PRDM16: variants seen among roughly 807,000 people sequenced by gnomAD.
PRDM16 encodes the protein PR/SET domain 16.
A neutral mutation model predicts 110.6 loss-of-function variants in PRDM16; 23 were observed. That is an observed-to-expected ratio of 0.21 (90% CI 0.15 to 0.29). The LOEUF is 0.29. Among genes scored for constraint, PRDM16 ranks in the 10% least tolerant of loss-of-function variants. The probability of loss-of-function intolerance (pLI) is 1.00; values close to 1 mark genes in which losing one functional copy is unlikely to be tolerated. For missense variants in PRDM16, 1,615 were observed against 1,794.3 expected, an observed-to-expected ratio of 0.90 and a Z score of 1.81; for synonymous variants, 799 against 781.8, an observed-to-expected ratio of 1.02 and a Z score of -0.37.
At chr1:3,141,573 G>A (rs976473014) in intron 1 of PRDM16, among the ~76,000 whole-genome samples, 1 of 152,234 alleles carries the variant, frequency 6.6e-6, no homozygotes, top group Non-Finnish European at 1.5e-5. Context: ...GCCTCTGCCC[G>A]GACCCTTCTG....
At chr1:3,112,995 G>A (rs1246389256) in intron 1 of PRDM16, among the ~76,000 whole-genome samples, 1 of 152,268 alleles carries the variant, frequency 6.6e-6, no homozygotes, top group Non-Finnish European at 1.5e-5. Flanking sequence ...CCTGTGCCAT[G>A]CAAGTCTTCC....
At chr1:3,200,897 C>T (rs956431873) in intron 2 of PRDM16, among the ~76,000 whole-genome samples, 5 of 150,456 alleles carry the variant, frequency 3.3e-5, no homozygotes, top group African/African-American at 7.4e-5. Flanking sequence ...GGACAAGAGC[C>T]GAACCGGGGG....
rs544191588 is a variant in PRDM16 at position 3,199,770 on chromosome 1, G to A, written c.387+13296G>A. On this transcript the variant is annotated intron_variant, in intron 2 of 16. Coordinates refer to ENST00000270722, the MANE Select transcript of PRDM16 (RefSeq NM_022114.4). Reference sequence around the variant, plus strand: ...AGCCCCAAGGGGCCCTCCGGGACAGGACGCCACTCTGCTGGCCCTTGATGC... The same window carrying A: ...AGCCCCAAGGGGCCCTCCGGGACAGAACGCCACTCTGCTGGCCCTTGATGC... Among the ~76,000 whole-genome samples the A allele has an allele frequency of 4.6e-5, 7 of 152,306 alleles. No individual in the cohort carries two copies. In the East Asian group the frequency reaches 1.4e-3, roughly 30 times the overall value.
At chr1:3,214,593 A>G (rs1222158940) in intron 2 of PRDM16, among the ~76,000 whole-genome samples, 1 of 152,228 alleles carries the variant, frequency 6.6e-6, no homozygotes, top group African/African-American at 2.4e-5. Context: ...ACTACTTGGG[A>G]GGCTGAGGCA....
At chr1:3,419,305 A>T (rs1280246745) in intron 12 of PRDM16, among the ~76,000 whole-genome samples, 2 of 152,242 alleles carry the variant, frequency 1.3e-5, no homozygotes, top group Non-Finnish European at 2.9e-5. Flanking sequence ...GTCTGCTTCC[A>T]GGATCCCCCC....
At position 3,178,391 on chromosome 1, in the gene PRDM16, C is replaced by T. The variant is rs541797554; in HGVS notation, c.38-7734C>T. Among the ~76,000 whole-genome samples the T allele has an allele frequency of 5.3e-5, 8 of 152,294 alleles. No individual in the cohort carries two copies. The East Asian group carries it at 5.8e-4, about 11-fold the overall frequency. Reference sequence around the variant, plus strand: ...CTCCGCACAGCCCCAAACCCAGAACCGAGCTCTGCGGAGAGGTGGTTCTTT... The same window carrying T: ...CTCCGCACAGCCCCAAACCCAGAACTGAGCTCTGCGGAGAGGTGGTTCTTT... On this transcript the variant is annotated intron_variant, in intron 1 of 16. Transcript: ENST00000270722.
chr1:3,102,908 CA>C (rs1642565363), intron 1 of PRDM16, among the ~76,000 whole-genome samples: 1 of 152,224 alleles, frequency 6.6e-6, no homozygotes, highest in South Asian at 2.1e-4. Flanking sequence ...AGCCCAACCT[CA>C]GGGTCACCTG....
intron 3 of PRDM16, among the ~76,000 whole-genome samples, chr1:3,322,635 C>T (rs1641788007): frequency 6.6e-6 from 1 of 152,202 alleles, no homozygotes; most frequent in Non-Finnish European, 1.5e-5. Context: ...TAGGCCAGTG[C>T]CTGGCAGCCT....
intron 1 of PRDM16, among the ~76,000 whole-genome samples, chr1:3,155,386 G>C (rs74901824): frequency 0.014 from 2,196 of 152,332 alleles, 87 homozygotes; most frequent in East Asian, 0.11. Flanking sequence ...GCGAGGACTT[G>C]GGTTCGGGTT....
intron 3 of PRDM16, among the ~76,000 whole-genome samples, chr1:3,271,199 G>T (rs916701477): frequency 7.2e-5 from 11 of 152,234 alleles, no homozygotes; most frequent in African/African-American, 2.7e-4. Context: ...GAAAGCCCCA[G>T]TCCTCTTATA....
intron 3 of PRDM16, among the ~76,000 whole-genome samples, chr1:3,327,457 G>C (rs1356044777): frequency 2.6e-5 from 4 of 151,890 alleles, no homozygotes; most frequent in African/African-American, 7.2e-5. Context: ...CAGAGGCGTT[G>C]TCTTTCAACG....
intron 1 of PRDM16, among the ~76,000 whole-genome samples, chr1:3,171,396 C>T (rs1215028945): frequency 6.6e-6 from 1 of 152,184 alleles, no homozygotes; most frequent in African/African-American, 2.4e-5. Context: ...TGGCTGAGTG[C>T]ACTTTGTCCT....
intron 1 of PRDM16, among the ~76,000 whole-genome samples, chr1:3,178,344 G>A (rs891416337): frequency 2.6e-5 from 4 of 152,166 alleles, no homozygotes; most frequent in African/African-American, 9.7e-5. Context: ...CCCTCCCGCA[G>A]GCTTCCGTCT....
chr1:3,366,254 G>A (rs1014190744), intron 3 of PRDM16, among the ~76,000 whole-genome samples: 4 of 152,358 alleles, frequency 2.6e-5, no homozygotes, highest in Middle Eastern at 3.4e-3. Flanking sequence ...CTTGGCGGCC[G>A]CTCGCAGACT....
At chr1:3,274,094 G>A (rs1640529276) in intron 3 of PRDM16, among the ~76,000 whole-genome samples, 1 of 151,198 alleles carries the variant, frequency 6.6e-6, no homozygotes, top group Non-Finnish European at 1.5e-5. Flanking sequence ...AAGTCCCTAA[G>A]AAAGAAGGGA....
At position 3,430,933 on chromosome 1, in the gene PRDM16, G is replaced by C. The variant is rs1159811184; in HGVS notation, c.3346G>C (p.Glu1116Gln). 1.2e-6 allele frequency: 2 copies of C among 1,614,156 alleles called. No homozygotes were observed. The highest frequency in any genetic ancestry group is 1.7e-6 in the Non-Finnish European group (2 of 1,180,016). The change falls in exon 15 of 17, where the codon GAG (glutamate) becomes CAG (glutamine). Residue 1116 changes from glutamate to glutamine, a missense_variant. By Grantham distance (29) the Glu-to-Gln change is conservative. Coordinates refer to ENST00000270722, the MANE Select transcript of PRDM16 (RefSeq NM_022114.4). ...QCPGLASEKQ[E>Q]DVEEEDDDDL... ...TCCAGGCCTAGCCAGTGAGAAGCAG[G>C]AGGACGTGGAGGAGGAGGACGACGA...
Position 3,246,633 on chromosome 1 carries a change from G to A in PRDM16, c.438+2496G>A, listed in dbSNP as rs1639796522. Reference sequence around the variant, plus strand: ...CACAGCTCCACCAGAGGGGGAGGCTGCCACACAGCACTGCCTGGGCCATCA... The same window carrying A: ...CACAGCTCCACCAGAGGGGGAGGCTACCACACAGCACTGCCTGGGCCATCA... On this transcript the variant is annotated intron_variant, in intron 3 of 16. Coordinates refer to ENST00000270722, the MANE Select transcript of PRDM16 (RefSeq NM_022114.4). The surrounding 1 kb of genome is among the most constrained non-coding windows in gnomAD (Gnocchi z 5.2). Among the ~76,000 whole-genome samples, 1 of 152,242 alleles carries A rather than the reference G, an allele frequency of 6.6e-6. No individual in the cohort carries two copies. The highest frequency in any genetic ancestry group is 2.4e-5 in the African/African-American group (1 of 41,462).
rs1482626018 is a variant in PRDM16, at chr1:3,353,846, C to T, written c.439-31306C>T. Among the ~76,000 whole-genome samples the T allele has an allele frequency of 1.3e-5, 2 of 152,138 alleles. No individual in the cohort carries two copies. The highest frequency in any genetic ancestry group is 2.9e-5 in the Non-Finnish European group (2 of 68,000). Reference sequence around the variant, plus strand: ...CTCCCAGCGGAGCCAGTAGTGATGACAGGCGCAGCTGGGAGCAGCTTGGTA... The same window carrying T: ...CTCCCAGCGGAGCCAGTAGTGATGATAGGCGCAGCTGGGAGCAGCTTGGTA... On this transcript the variant is annotated intron_variant, in intron 3 of 16. Transcript: ENST00000270722. This position sits in a 1 kb window ranked among gnomAD's most constrained non-coding sequence, Gnocchi z 5.4.
chr1:3,361,328 C>T (rs574175844), intron 3 of PRDM16, among the ~76,000 whole-genome samples: 1 of 152,188 alleles, frequency 6.6e-6, no homozygotes, highest in African/African-American at 2.4e-5. Flanking sequence ...GTGTTGAAGC[C>T]GTCCAGGACC....
Sources: gnomAD v4.1 joint callset for allele counts (sites outside exome capture counted in the v4.1 genomes callset) on GRCh38, gnomAD v4.1.1 for gene constraint, Gnocchi (gnomAD v3.1) non-coding constraint, MANE v1.5 for transcripts, NCBI Gene and HGNC (gene_info 2026-07-23, HGNC 2026-07-21) for gene names.